The following CSMD1 variants were observed in gnomAD, a reference collection of about 807,000 sequenced individuals.
The protein encoded by CSMD1 is CUB and Sushi multiple domains 1.
A neutral mutation model predicts 417.5 loss-of-function variants in CSMD1; 213 were observed. The observed-to-expected ratio is 0.51, with a 90% confidence interval of 0.46 to 0.57. CSMD1 has a LOEUF of 0.57. CSMD1 is among the 20% of genes least tolerant of loss of function. CSMD1 has a pLI of 0.00. For missense variants in CSMD1, 6,923 were observed against 4,529.7 expected, an observed-to-expected ratio of 1.53 and a Z score of -15.17; for synonymous variants, 2,862 against 1,736.8, an observed-to-expected ratio of 1.65 and a Z score of -16.11.
intron 1 of CSMD1, among the ~76,000 whole-genome samples, chr8:4,863,885 T>C (rs1366671320): frequency 6.6e-6 from 1 of 152,018 alleles, no homozygotes; most frequent in Non-Finnish European, 1.5e-5. Flanking sequence ...CAAAATTGTA[T>C]AAATTAAATT....
intron 3 of CSMD1, among the ~76,000 whole-genome samples, chr8:4,170,551 G>C (rs954525740): frequency 6.6e-6 from 1 of 151,812 alleles, no homozygotes; most frequent in Admixed American, 6.6e-5. Context: ...TTGGAATATG[G>C]AACATGGACA....
chr8:4,668,528 C>T (rs1015923917), intron 1 of CSMD1, among the ~76,000 whole-genome samples: 1 of 151,142 alleles, frequency 6.6e-6, no homozygotes, highest in South Asian at 2.1e-4. Context: ...CAGCTCACTG[C>T]AAGCTCCGCC....
intron 5 of CSMD1, among the ~76,000 whole-genome samples, chr8:3,790,360 A>G (rs1343675701): frequency 6.6e-6 from 1 of 152,036 alleles, no homozygotes; most frequent in Non-Finnish European, 1.5e-5. Flanking sequence ...GATGGTGGTG[A>G]TAGTGACGGT....
At chr8:4,131,506 C>A (rs1430733389) in intron 3 of CSMD1, among the ~76,000 whole-genome samples, 1 of 152,146 alleles carries the variant, frequency 6.6e-6, no homozygotes, top group African/African-American at 2.4e-5. Flanking sequence ...CTTGGATATT[C>A]ACTAAACATT....
At chr8:4,524,710 A>T (rs1198094235) in intron 2 of CSMD1, among the ~76,000 whole-genome samples, 2 of 152,140 alleles carry the variant, frequency 1.3e-5, no homozygotes, top group African/African-American at 4.8e-5. Context: ...TTTAAAACCA[A>T]ATCTGATATT....
rs187518654 is a variant in CSMD1 at position 3,964,350 on chromosome 8, C to G, written c.818+33553G>C. Among the ~76,000 whole-genome samples the G allele has an allele frequency of 3.1e-4, 47 of 152,320 alleles. No homozygotes were observed. In the East Asian group the frequency reaches 8.5e-3, roughly 28 times the overall value. On this transcript the variant is annotated intron_variant, in intron 5 of 69. Transcript: ENST00000635120. ...TGTGTCACCGTGACTTATTTGAGCA[C>G]TGGTACAACTTAATTCACATTTGTT...
intron 2 of CSMD1, among the ~76,000 whole-genome samples, chr8:4,422,451 T>C (rs898779919): frequency 3.9e-5 from 6 of 152,008 alleles, no homozygotes; most frequent in African/African-American, 1.4e-4. Flanking sequence ...TCCCATAGGG[T>C]AAGCATACGG....
intron 20 of CSMD1, among the ~76,000 whole-genome samples, chr8:3,366,012 T>C (rs1340498479): frequency 6.6e-6 from 1 of 152,196 alleles, no homozygotes; most frequent in Non-Finnish European, 1.5e-5. Context: ...CATAATCTCA[T>C]AAGTGGCATC....
intron 11 of CSMD1, among the ~76,000 whole-genome samples, chr8:3,469,467 G>T (rs551887531): frequency 2.0e-5 from 3 of 152,298 alleles, no homozygotes; most frequent in African/African-American, 7.2e-5. Context: ...CCAAATGTGA[G>T]TTTCAATGAA....
intron 2 of CSMD1, among the ~76,000 whole-genome samples, chr8:4,437,821 C>G (rs919485316): frequency 6.6e-6 from 1 of 152,100 alleles, no homozygotes; most frequent in African/African-American, 2.4e-5. Context: ...GGTTGATGGG[C>G]TTGTCTGTAA....
At chr8:4,750,064 T>G (rs1811204636) in intron 1 of CSMD1, among the ~76,000 whole-genome samples, 1 of 150,418 alleles carries the variant, frequency 6.6e-6, no homozygotes, top group Non-Finnish European at 1.5e-5. Flanking sequence ...TGGAGTGCAG[T>G]GGGCGATCTC....
chr8:4,370,653 G>C (rs753950557), intron 3 of CSMD1, among the ~76,000 whole-genome samples: 1 of 151,964 alleles, frequency 6.6e-6, no homozygotes, highest in Non-Finnish European at 1.5e-5. Context: ...TTTAATTTTT[G>C]TATGCTCACG....
chr8:4,098,936 G>C lies in CSMD1; in HGVS notation c.416-66837C>G, dbSNP rs547272049. The stretch of plus-strand genomic sequence containing the variant: ...GTATTAGAGACTGGGGTACAACACA[G>C]AAAAAATGTTAAAACTGTTTTACAA... On this transcript the variant is annotated intron_variant, in intron 3 of 69. Coordinates refer to ENST00000635120, the MANE Select transcript of CSMD1 (RefSeq NM_033225.6). Among the ~76,000 whole-genome samples, 21 of 152,198 alleles carry C rather than the reference G, an allele frequency of 1.4e-4. No homozygotes were observed. The East Asian group carries it at 4.0e-3, about 29-fold the overall frequency.
chr8:4,731,111 TG>T (rs1809830662), intron 1 of CSMD1, among the ~76,000 whole-genome samples: 2 of 152,226 alleles, frequency 1.3e-5, no homozygotes, highest in African/African-American at 4.8e-5. Context: ...GCTTTTGATT[TG>T]CCCATATGAG....
Position 3,412,035 on chromosome 8 carries a change from C to CACACGTATATAT in CSMD1, c.1562-2431_1562-2430insATATATACGTGT, listed in dbSNP as rs1563362280. ...ATATACATATACACACGTATATATA[C>CACACGTATATAT]ACATATATACACGTATATATACACA... On this transcript the variant is annotated intron_variant, in intron 12 of 69. Coordinates refer to ENST00000635120, the MANE Select transcript of CSMD1 (RefSeq NM_033225.6). Among the ~76,000 whole-genome samples, 7 of 21,036 alleles carry CACACGTATATAT rather than the reference C, an allele frequency of 3.3e-4. 2 individuals are homozygous for CACACGTATATAT. Among genetic ancestry groups the CACACGTATATAT allele is most frequent in the Admixed American group, 6.1e-4 (1 of 1,642 alleles). The allele number at this position is 21,036 out of a possible 152,430, so 13.8% of individuals were successfully genotyped here.
chr8:4,079,063 T>A (rs186457785), intron 3 of CSMD1, among the ~76,000 whole-genome samples: 2 of 151,888 alleles, frequency 1.3e-5, no homozygotes, highest in East Asian at 3.9e-4. Flanking sequence ...TGGTCCCGAA[T>A]GGAACTTATA....
At chr8:4,939,442 T>C (rs1375302499) in intron 1 of CSMD1, among the ~76,000 whole-genome samples, 2 of 152,196 alleles carry the variant, frequency 1.3e-5, no homozygotes, top group Non-Finnish European at 2.9e-5. Context: ...GTAATCTATA[T>C]ACCTAATGGA....
At chr8:4,355,931 T>A (rs1247482309) in intron 3 of CSMD1, among the ~76,000 whole-genome samples, 1 of 152,186 alleles carries the variant, frequency 6.6e-6, no homozygotes, top group Admixed American at 6.5e-5. Flanking sequence ...TTTTTTGTTT[T>A]GTTTTGTTTG....
chr8:3,449,993 G>C (rs1815582627), intron 12 of CSMD1, among the ~76,000 whole-genome samples: 2 of 152,196 alleles, frequency 1.3e-5, no homozygotes, highest in South Asian at 2.1e-4. Context: ...AGCCAGACGG[G>C]AGAGAGGGTC....
Sources: allele counts gnomAD v4.1 joint callset (sites outside exome capture counted in the v4.1 genomes callset), GRCh38; gene constraint gnomAD v4.1.1; transcripts MANE v1.5; gene names NCBI Gene and HGNC (gene_info 2026-07-23, HGNC 2026-07-21).